Variants in SLC25A21 observed in about 807,000 individuals in gnomAD.
SLC25A21 encodes the protein solute carrier family 25 member 21.
Under a neutral mutation model 43.8 loss-of-function variants are expected in SLC25A21, and 47 were observed. The observed-to-expected ratio is 1.07, with a 90% CI of 0.85 to 1.37. The LOEUF is 1.37. Among genes scored for constraint, SLC25A21 ranks in the 40% most tolerant of loss-of-function variants. SLC25A21 has a pLI of 0.00. For synonymous variants in SLC25A21, 131 were observed against 121.3 expected, an observed-to-expected ratio of 1.08 and a Z score of -0.52; for missense variants, 352 against 350.2, an observed-to-expected ratio of 1.00 and a Z score of -0.04.
At chr14:36,876,088 G>GCCAT (rs1890513973) in intron 1 of SLC25A21, among the ~76,000 whole-genome samples, 1 of 152,054 alleles carries the variant, frequency 6.6e-6, no homozygotes, top group South Asian at 2.1e-4. Context: ...TCGCCCAAAG[G>GCCAT]CCATACAACA....
chr14:36,976,826 C>T (rs1176934246), intron 1 of SLC25A21, among the ~76,000 whole-genome samples: 3 of 152,206 alleles, frequency 2.0e-5, no homozygotes, highest in African/African-American at 4.8e-5. Flanking sequence ...TATCTGAGTT[C>T]ATCTTCTTGC....
chr14:36,691,173 C>T (rs1296517796), intron 7 of SLC25A21, among the ~76,000 whole-genome samples: 1 of 152,210 alleles, frequency 6.6e-6, no homozygotes, highest in Non-Finnish European at 1.5e-5. Flanking sequence ...GACTCTGAGA[C>T]TGCCACATGT....
In SLC25A21 at chr14:37,143,067, A is replaced by G. The variant is rs113454165; in HGVS notation, c.70+29214T>C. ...CAGGGGAAAGCCATCTTTATCTGTC[A>G]GTATTAGTCAGCTGAGAAACATAGC... On this transcript the variant is annotated intron_variant, in intron 1 of 9. Transcript: ENST00000331299. Among the ~76,000 whole-genome samples the G allele has an allele frequency of 6.3e-3, 958 of 152,354 alleles. 6 individuals are homozygous for G. Among genetic ancestry groups the G allele is most frequent in the African/African-American group, 0.02 (825 of 41,580 alleles).
At chr14:37,010,654 C>A (rs1960710537) in intron 1 of SLC25A21, among the ~76,000 whole-genome samples, 1 of 151,702 alleles carries the variant, frequency 6.6e-6, no homozygotes, top group Non-Finnish European at 1.5e-5. Context: ...CAGACAGAAC[C>A]TAAAGAATGA....
chr14:36,963,498 A>T (rs1341524156), intron 1 of SLC25A21, among the ~76,000 whole-genome samples: 1 of 152,226 alleles, frequency 6.6e-6, no homozygotes, highest in Non-Finnish European at 1.5e-5. Flanking sequence ...AAGACCATGC[A>T]TGGGGTTATG....
At chr14:36,733,375 A>G (rs938563512) in intron 4 of SLC25A21, among the ~76,000 whole-genome samples, 3 of 152,332 alleles carry the variant, frequency 2.0e-5, no homozygotes, top group Admixed American at 1.3e-4. Context: ...CAAAATTTGT[A>G]TTGAAGTGAT....
chr14:36,991,637 G>C (rs1279987761), intron 1 of SLC25A21, among the ~76,000 whole-genome samples: 6 of 152,202 alleles, frequency 3.9e-5, no homozygotes, highest in Non-Finnish European at 7.3e-5. Context: ...GGCTTGAAAA[G>C]TTAAATAACT....
intron 1 of SLC25A21, among the ~76,000 whole-genome samples, chr14:37,065,414 G>T (rs938651947): frequency 1.3e-5 from 2 of 152,236 alleles, no homozygotes; most frequent in Admixed American, 1.3e-4. Flanking sequence ...GAGCTCTGGA[G>T]ATTATTTTGG....
intron 1 of SLC25A21, among the ~76,000 whole-genome samples, chr14:36,885,454 G>T (rs1476451534): frequency 1.3e-5 from 2 of 152,030 alleles, no homozygotes; most frequent in African/African-American, 2.4e-5. Flanking sequence ...GGTCTTCTGT[G>T]GTTCCACACA....
chr14:36,691,140 A>G (rs1047528462), intron 7 of SLC25A21, among the ~76,000 whole-genome samples: 10 of 152,212 alleles, frequency 6.6e-5, no homozygotes, highest in African/African-American at 2.2e-4. Flanking sequence ...ATTATTTAGA[A>G]GTGAAGAAGC....
chr14:36,679,977 T>A lies in SLC25A21; in HGVS notation c.*681A>T. 9.5e-6 allele frequency: 8 copies of A among 845,142 alleles called. No individual in the cohort carries two copies. The highest frequency in any genetic ancestry group is 1.1e-5 in the Non-Finnish European group (8 of 719,650). The allele number at this position is 845,142 out of a possible 1,614,324, so 52.4% of individuals were successfully genotyped here. ...ACAACAGTGTTTTAACATTCTGTTT[T>A]AAACAATGTTTTAAAATACCTATTT... On this transcript the variant is annotated 3_prime_UTR_variant, in exon 10 of 10. Transcript: ENST00000331299.
chr14:37,022,357 T>G (rs1211202127), intron 1 of SLC25A21, among the ~76,000 whole-genome samples: 2 of 151,942 alleles, frequency 1.3e-5, no homozygotes, highest in Non-Finnish European at 2.9e-5. Flanking sequence ...AAACACTATG[T>G]TCAAATTAAG....
intron 7 of SLC25A21, among the ~76,000 whole-genome samples, chr14:36,701,224 A>G (rs1883264521): frequency 6.6e-6 from 1 of 152,232 alleles, no homozygotes; most frequent in African/African-American, 2.4e-5. Context: ...ATTAAAAAAT[A>G]CATTTGTTTT....
At chr14:36,788,850 T>C (rs1887344451) in intron 3 of SLC25A21, 1 of 152,068 alleles carries the variant, frequency 6.6e-6, no homozygotes, top group Non-Finnish European at 1.5e-5. Context: ...GTTTTCTCTC[T>C]AGTTATTTTA....
intron 2 of SLC25A21, among the ~76,000 whole-genome samples, chr14:36,873,675 A>T (rs191790718): frequency 3.9e-5 from 6 of 152,286 alleles, no homozygotes; most frequent in Admixed American, 1.3e-4. Flanking sequence ...CAGAATGTGT[A>T]TGTTGAAGCC....
At chr14:36,939,561 A>T (rs10149290) in intron 1 of SLC25A21, among the ~76,000 whole-genome samples, 81,335 of 151,764 alleles carry the variant, frequency 0.54, 23,194 homozygotes, top group Non-Finnish European at 0.62. Flanking sequence ...CCAGAACCCA[A>T]CCTCTCTCCT....
rs10145879 is a variant in SLC25A21, at chr14:37,056,217, G to A, written c.70+116064C>T. ...ATAAATTACCTAGTCTCGGCCGGGC[G>A]CTGTGGCTCACGCCTGTAATCCCAG... On this transcript the variant is annotated intron_variant, in intron 1 of 9. Transcript: ENST00000331299. Among the ~76,000 whole-genome samples the A allele has an allele frequency of 8.4e-3, 1,278 of 152,166 alleles. 12 individuals carry two copies. The highest frequency in any genetic ancestry group is 0.03 in the African/African-American group (1,226 of 41,528).
intron 1 of SLC25A21, among the ~76,000 whole-genome samples, chr14:37,013,449 C>T (rs77171779): frequency 0.078 from 11,812 of 152,196 alleles, 1,526 homozygotes; most frequent in African/African-American, 0.27. Flanking sequence ...GGGGAAAACG[C>T]TTCATCAGTT....
At chr14:37,095,727 T>C (rs1285736281) in intron 1 of SLC25A21, among the ~76,000 whole-genome samples, 1 of 151,714 alleles carries the variant, frequency 6.6e-6, no homozygotes, top group Non-Finnish European at 1.5e-5. Flanking sequence ...TCATCTCTAC[T>C]AAAACATAAA....
Sources: allele counts gnomAD v4.1 joint callset (sites outside exome capture counted in the v4.1 genomes callset), GRCh38; gene constraint gnomAD v4.1.1; transcripts MANE v1.5; gene names NCBI Gene and HGNC (gene_info 2026-07-23, HGNC 2026-07-21).